PLK3: variants seen among roughly 807,000 people sequenced by gnomAD.
The protein encoded by PLK3 is serine/threonine-protein kinase PLK3.
Under a neutral mutation model 71.6 loss-of-function variants are expected in PLK3, and 41 were observed. That is an observed-to-expected ratio of 0.57 (90% CI 0.45 to 0.74). The LOEUF is 0.74. Among genes scored for constraint, PLK3 ranks in the 30% least tolerant of loss-of-function variants. PLK3 has a pLI of 0.00. For synonymous variants in PLK3, 366 were observed against 355.4 expected, an observed-to-expected ratio of 1.03 and a Z score of -0.33; for missense variants, 791 against 875.6, an observed-to-expected ratio of 0.90 and a Z score of 1.22.
In PLK3 at chr1:44,801,049, T is replaced by C. The variant is rs147999693; in HGVS notation, c.332T>C (p.Ile111Thr). 116 of 1,613,170 alleles carry C rather than the reference T, an allele frequency of 7.2e-5. 1 individual carries two copies. Among genetic ancestry groups the C allele is most frequent in the Non-Finnish European group, 9.4e-5 (111 of 1,179,672 alleles). The change falls in exon 3 of 15, where the codon ATT (isoleucine) becomes ACT (threonine). Residue 111 changes from isoleucine to threonine, a missense_variant. Ile to Thr is a moderately conservative substitution (Grantham distance 89, BLOSUM62 -1). Transcript: ENST00000372201. ...PHQREKILNEIELHRDLQHRH... is the reference protein window; with the variant it reads ...PHQREKILNETELHRDLQHRH... ...CCCTCATCGCAGATCCTAAATGAGA[T>C]TGAGCTGCACCGAGACCTGCAGCAC...
In PLK3 at chr1:44,804,206, C is replaced by T. The variant is rs1311424001; in HGVS notation, c.1302C>T (p.Ala434=). 6 of 1,613,934 alleles carry T rather than the reference C, an allele frequency of 3.7e-6. No individual in the cohort carries two copies. Among genetic ancestry groups the T allele is most frequent in the South Asian group, 1.1e-5 (1 of 91,076 alleles). Residue 434 remains alanine (A), a synonymous_variant, in exon 11 of 15, where the codon GCC becomes GCT. Transcript: ENST00000372201. ...GLTVATVVES[A]LCALRNCIAF... ...CTGTGGCCACAGTAGTGGAGTCAGC[C>T]CTTTGTGCTCTGAGAAATTGTATAG...
rs1651942406 is a variant in PLK3, at chr1:44,804,475, A to C, written c.1479A>C (p.Thr493=). 6.2e-7 allele frequency: 1 copy of C among 1,614,108 alleles called. No homozygotes were observed. The highest frequency in any genetic ancestry group is 8.5e-7 in the Non-Finnish European group (1 of 1,180,028). The part of the protein sequence containing the change: ...RRVAVLFNDG[T]HMALSANRKT... Reference sequence around the variant, plus strand: ...TGGCTGTGCTCTTCAACGATGGCACACATATGGCCCTGTCGGCCAACAGAA... The same window carrying C: ...TGGCTGTGCTCTTCAACGATGGCACCCATATGGCCCTGTCGGCCAACAGAA... The change falls in exon 12 of 15, where the codon ACA becomes ACC. Residue 493 remains threonine (T), a synonymous_variant. Coordinates refer to ENST00000372201, the MANE Select transcript of PLK3 (RefSeq NM_004073.4).
rs1226219813 is a variant in PLK3, at chr1:44,800,975, TG to T, written c.318+32del. On this transcript the variant is annotated intron_variant, in intron 2 of 14. Coordinates refer to ENST00000372201, the MANE Select transcript of PLK3 (RefSeq NM_004073.4). The surrounding 1 kb of genome is among the most constrained non-coding windows in gnomAD (Gnocchi z 6.5). ...GGGTCCAGGCTCAGCGGGCGAGGGG[TG>T]GGGTGGGGACGGTGGCATGGGAACC... is the stretch of plus-strand genomic sequence containing the variant. 6.2e-7 allele frequency: 1 copy of T among 1,604,494 alleles called. No individual in the cohort carries two copies. The highest frequency in any genetic ancestry group is 1.7e-5 in the Admixed American group (1 of 59,674).
chr1:44,803,096 C>T lies in PLK3; in HGVS notation c.891C>T (p.Ala297=), dbSNP rs759023400. 6 of 1,613,932 alleles carry T rather than the reference C, an allele frequency of 3.7e-6. No homozygotes were observed. Among genetic ancestry groups the T allele is most frequent in the Non-Finnish European group, 5.1e-6 (6 of 1,180,022 alleles). ...AGCTCCTGGCCGCCATCCTTCGGGC[C>T]TCACCCCGAGACCGCCCCTCTATTG... ...ARQLLAAILR[A]SPRDRPSIDQ... is the part of the protein sequence containing the mutation. Residue 297 remains alanine, a synonymous_variant, in exon 7 of 15, where the codon GCC becomes GCT. Coordinates refer to ENST00000372201, the MANE Select transcript of PLK3 (RefSeq NM_004073.4). The surrounding 1 kb of genome is among the most constrained non-coding windows in gnomAD (Gnocchi z 4.3).
Position 44,804,011 on chromosome 1 carries a change from A to C in PLK3, c.1245A>C (p.Ala415=), listed in dbSNP as rs1323637668. 11 of 1,554,936 alleles carry C rather than the reference A, an allele frequency of 7.1e-6. No homozygotes were observed. Among genetic ancestry groups the C allele is most frequent in the Non-Finnish European group, 9.6e-6 (11 of 1,147,136 alleles). Residue 415 remains alanine, a synonymous_variant, in exon 10 of 15, where the codon GCA becomes GCC. Coordinates refer to ENST00000372201, the MANE Select transcript of PLK3 (RefSeq NM_004073.4). ...ACAGCTCACCCCGTGGGACACTGGC[A>C]AGCAGTGGAGATGGTGAGGAGCCAG... ...PEDSSPRGTL[A]SSGDGFEEGL...
intron 2 of PLK3, 27 bp from the exon 3 acceptor site, chr1:44,801,009 G>A (rs779268348): frequency 6.2e-6 from 10 of 1,608,522 alleles, no homozygotes; most frequent in South Asian, 5.5e-5. Context: ...ACCATGGAAG[G>A]ATGACGACTC....
In PLK3 at chr1:44,804,064, G is replaced by A. The variant is rs567075838; in HGVS notation, c.1258+40G>A. The A allele has an allele frequency of 2.4e-5, 37 of 1,545,392 alleles. 1 individual carries two copies. The South Asian group carries it at 3.9e-4, about 16-fold the overall frequency. On this transcript the variant is annotated intron_variant, in intron 10 of 14. Coordinates refer to ENST00000372201, the MANE Select transcript of PLK3 (RefSeq NM_004073.4). Reference sequence around the variant, plus strand: ...AGGATGAGAGGTGATAGAGGTTGCTGGAGCTGAGATCAGGGGCGAGAGGGA... The same window carrying A: ...AGGATGAGAGGTGATAGAGGTTGCTAGAGCTGAGATCAGGGGCGAGAGGGA...
chr1:44,803,201 T>C lies in PLK3; in HGVS notation c.948+48T>C. 1.9e-6 allele frequency: 3 copies of C among 1,611,768 alleles called. No individual in the cohort carries two copies. Among genetic ancestry groups the C allele is most frequent in the African/African-American group, 1.3e-5 (1 of 74,888 alleles). ...AAGTCCATCTGTGTATTCCCAGGGA[T>C]TGAAAGGGGGCAGGTGACAGGACCC... On this transcript the variant is annotated intron_variant, in intron 7 of 14. Coordinates refer to ENST00000372201, the MANE Select transcript of PLK3 (RefSeq NM_004073.4). The surrounding 1 kb of genome is among the most constrained non-coding windows in gnomAD (Gnocchi z 4.3).
Position 44,803,772 on chromosome 1 carries a change from C to A in PLK3, c.1164+81C>A. The A allele has an allele frequency of 8.1e-7, 1 of 1,227,330 alleles. No individual in the cohort carries two copies. The allele number at this position is 1,227,330 out of a possible 1,614,324, so 76.0% of individuals were successfully genotyped here. ...GGGAAGCCGGGGATAAAAGAGGCTG[C>A]TGAAGCATCCAGCCTCGTGGTGGCC... On this transcript the variant is annotated intron_variant, in intron 9 of 14. Coordinates refer to ENST00000372201, the MANE Select transcript of PLK3 (RefSeq NM_004073.4). This position sits in a 1 kb window ranked among gnomAD's most constrained non-coding sequence, Gnocchi z 4.3.
rs2148856027 is a variant in PLK3 at position 44,803,471 on chromosome 1, G to C, written c.1072+80G>C. On this transcript the variant is annotated intron_variant, in intron 8 of 14. Transcript: ENST00000372201. This position sits in a 1 kb window ranked among gnomAD's most constrained non-coding sequence, Gnocchi z 4.3. ...CATTTGTCTTGGGTGTGTGAGTGTG[G>C]GTGCCTGGAAACTCCTGGGGAGAGC... The C allele has an allele frequency of 1.9e-6, 3 of 1,601,076 alleles. No individual in the cohort carries two copies. Among genetic ancestry groups the C allele is most frequent in the Middle Eastern group, 1.7e-4 (1 of 6,032 alleles).
rs1038238648 is a variant in PLK3, at chr1:44,804,712, G to C, written c.1568G>C (p.Arg523Pro). 3.1e-6 allele frequency: 5 copies of C among 1,613,882 alleles called. No homozygotes were observed. Among genetic ancestry groups the C allele is most frequent in the Non-Finnish European group, 4.2e-6 (5 of 1,179,910 alleles). ...HFSFSVGAVPRALQPQLGILR... is the reference protein window; with the variant it reads ...HFSFSVGAVPPALQPQLGILR... The stretch of plus-strand genomic sequence containing the variant: ...TCCTTCTCCGTGGGTGCTGTGCCCC[G>C]GGCCCTGCAGCCTCAGCTGGGTATC... Residue 523 changes from arginine (R) to proline (P), a missense_variant, in exon 13 of 15, where the codon CGG becomes CCG. By Grantham distance (103) the Arg-to-Pro change is moderately radical. Transcript: ENST00000372201.
chr1:44,801,996 T>C, intron 5 of PLK3, 64 bp downstream of exon 5: 1 of 1,267,356 alleles, frequency 7.9e-7, no homozygotes, highest in Non-Finnish European at 1.1e-6. Context: ...ACAGTGCATA[T>C]GTATGTGGGA....
intron 12 of PLK3, 70 bp from the exon 13 acceptor site, chr1:44,804,580 A>AG: frequency 6.2e-7 from 1 of 1,604,124 alleles, no homozygotes; most frequent in Admixed American, 1.7e-5. Flanking sequence ...TCCTGGGCTC[A>AG]GGGGTCTGGG....
At chr1:44,802,884 A>C (rs756551433) in intron 6 of PLK3, 29 bp downstream of exon 6, 19 of 1,608,542 alleles carry the variant, frequency 1.2e-5, no homozygotes, top group Non-Finnish European at 1.6e-5. Context: ...GTTCAGCAGC[A>C]GACAGGTGGT....
rs1281829592 is a variant in PLK3 at position 44,805,312 on chromosome 1, C to T, written c.1682C>T (p.Pro561Leu). Residue 561 changes from proline (P) to leucine (L), a missense_variant, in exon 14 of 15, where the codon CCC becomes CTC. Physicochemically the swap from Pro to Leu is moderately conservative, Grantham distance 98 (BLOSUM62 -3). Transcript: ENST00000372201. ...SVEEVEVPAP[P>L]LLLQWVKTDQ... ...GAAGAGGTAGAGGTACCTGCTCCGC[C>T]CTTGCTGCTGCAGTGGGTCAAGACG... 6.2e-7 allele frequency: 1 copy of T among 1,614,044 alleles called. No individual in the cohort carries two copies. The highest frequency in any genetic ancestry group is 1.3e-5 in the African/African-American group (1 of 75,008).
Position 44,805,719 on chromosome 1 carries a change from C to G in PLK3, c.*41C>G, listed in dbSNP as rs1330950843. Reference sequence around the variant, plus strand: ...GCCTGAGGCCTGTGCCTGTCAGGCTCTGGCCCTTGCCTTTGTGGCCTTCCC... The same window carrying G: ...GCCTGAGGCCTGTGCCTGTCAGGCTGTGGCCCTTGCCTTTGTGGCCTTCCC... On this transcript the variant is annotated 3_prime_UTR_variant, in exon 15 of 15. Coordinates refer to ENST00000372201, the MANE Select transcript of PLK3 (RefSeq NM_004073.4). The G allele has an allele frequency of 1.3e-6, 2 of 1,584,738 alleles. No homozygotes were observed. The highest frequency in any genetic ancestry group is 1.7e-6 in the Non-Finnish European group (2 of 1,162,374).
Position 44,803,917 on chromosome 1 carries a change from G to GC in PLK3, c.1165-11dup, listed in dbSNP as rs754355213. 7.8e-6 allele frequency: 12 copies of GC among 1,541,250 alleles called. 1 individual carries two copies. The highest frequency in any genetic ancestry group is 8.8e-7 in the Non-Finnish European group (1 of 1,138,444). On this transcript the variant is annotated splice_polypyrimidine_tract_variant and intron_variant, in intron 9 of 14. Transcript: ENST00000372201. The surrounding 1 kb of genome is among the most constrained non-coding windows in gnomAD (Gnocchi z 4.3). Reference sequence around the variant, plus strand: ...GGGGCCTGTGTCACTCCCTTTCCCTGCCCAACCCTCCAGGCTCCAGCAGCT... The same window carrying GC: ...GGGGCCTGTGTCACTCCCTTTCCCTGCCCCAACCCTCCAGGCTCCAGCAGCT...
rs1651807636 is a variant in PLK3, at chr1:44,800,961, C to T, written c.318+14C>T. 6.2e-7 allele frequency: 1 copy of T among 1,612,242 alleles called. No homozygotes were observed. The highest frequency in any genetic ancestry group is 8.5e-7 in the Non-Finnish European group (1 of 1,178,996). The stretch of plus-strand genomic sequence containing the variant: ...CAGCGCGAGAAGGTGGGTCCAGGCT[C>T]AGCGGGCGAGGGGTGGGGTGGGGAC... On this transcript the variant is annotated intron_variant, in intron 2 of 14. Coordinates refer to ENST00000372201, the MANE Select transcript of PLK3 (RefSeq NM_004073.4). This position sits in a 1 kb window ranked among gnomAD's most constrained non-coding sequence, Gnocchi z 6.5.
Position 44,804,760 on chromosome 1 carries a change from T to C in PLK3, c.1616T>C (p.Met539Thr). 6.2e-7 allele frequency: 1 copy of C among 1,614,004 alleles called. No individual in the cohort carries two copies. Reference protein sequence around the residue: ...LGILRYFASYMEQHLMKGGDL... With the variant: ...LGILRYFASYTEQHLMKGGDL... ...ATCCTGCGGTACTTCGCCTCCTACATGGAGCAGCACCTCATGAAGGTGTGA... is the reference window on the plus strand; with the variant it reads ...ATCCTGCGGTACTTCGCCTCCTACACGGAGCAGCACCTCATGAAGGTGTGA... The change falls in exon 13 of 15, where the codon ATG (methionine) becomes ACG (threonine). Residue 539 changes from methionine to threonine, a missense_variant. By Grantham distance (81) the Met-to-Thr change is moderately conservative. Coordinates refer to ENST00000372201, the MANE Select transcript of PLK3 (RefSeq NM_004073.4).
Sources: allele counts gnomAD v4.1 joint callset, GRCh38; gene constraint gnomAD v4.1.1; non-coding constraint Gnocchi (gnomAD v3.1); transcripts MANE v1.5; gene names NCBI Gene and HGNC (gene_info 2026-07-23, HGNC 2026-07-21).